Variants in MYO9A observed in about 807,000 individuals in gnomAD.
MYO9A encodes unconventional myosin-IXa.
Under a neutral mutation model 293.3 loss-of-function variants are expected in MYO9A, and 103 were observed. That is an observed-to-expected ratio of 0.35 (90% CI 0.30 to 0.41). The LOEUF (loss-of-function observed/expected upper bound fraction) is 0.41, where lower values mean the gene tolerates loss of function less well. MYO9A is among the 10% of genes least tolerant of loss of function. The pLI, the probability that MYO9A is intolerant of heterozygous loss-of-function variation, is 1.00. For missense variants in MYO9A, 2,685 were observed against 3,033.0 expected (o/e 0.89, Z 2.69); for synonymous variants, 1,001 against 1,035.7 (o/e 0.97, Z 0.64).
rs559365970 is a variant in MYO9A, at chr15:72,065,790, C to T, written c.-71-19156G>A. On this transcript the variant is annotated intron_variant, in intron 1 of 41. Transcript: ENST00000356056. Reference sequence around the variant, plus strand: ...CCCAATCTTTTTAATGAGCAAAAGACTTAAACAGATTATTATGAGGATATA... The same window carrying T: ...CCCAATCTTTTTAATGAGCAAAAGATTTAAACAGATTATTATGAGGATATA... Among the ~76,000 whole-genome samples, 4 of 152,068 alleles carry T rather than the reference C, an allele frequency of 2.6e-5. No individual in the cohort carries two copies. The East Asian group carries it at 7.7e-4, about 29-fold the overall frequency.
rs557672398 is a variant in MYO9A at position 71,906,748 on chromosome 15, C to T, written c.2686-1742G>A. ...CTTATTTTATCCAATCAGATAATAT[C>T]CATTTCTTTCTTTTTTTTTTTTTTT... On this transcript the variant is annotated intron_variant, in intron 19 of 41. Coordinates refer to ENST00000356056, the MANE Select transcript of MYO9A (RefSeq NM_006901.4). Among the ~76,000 whole-genome samples the T allele has an allele frequency of 3.9e-4, 29 of 74,350 alleles. 2 individuals carry two copies. The highest frequency in any genetic ancestry group is 3.4e-3 in the Admixed American group (25 of 7,400). The allele number at this position is 74,350 out of a possible 152,430, so 48.8% of individuals were successfully genotyped here. A position where few individuals can be genotyped will look rare whatever the true frequency, so the allele number is the denominator to read the frequency against.
At chr15:71,990,846 T>C (rs530463929) in intron 11 of MYO9A, among the ~76,000 whole-genome samples, 2 of 152,266 alleles carry the variant, frequency 1.3e-5, no homozygotes, top group South Asian at 2.1e-4. Flanking sequence ...TGATAAACAA[T>C]TGAAGCTACC....
intron 2 of MYO9A, among the ~76,000 whole-genome samples, chr15:72,042,467 T>C (rs796805973): frequency 2.4e-4 from 36 of 152,122 alleles, no homozygotes; most frequent in African/African-American, 8.4e-4. Flanking sequence ...CATCCATTCC[T>C]GAAAAAAAGC....
intron 1 of MYO9A, among the ~76,000 whole-genome samples, chr15:72,066,710 C>G (rs1304836876): frequency 6.6e-6 from 1 of 151,706 alleles, no homozygotes; most frequent in African/African-American, 2.4e-5. Context: ...GGTGGATAAC[C>G]GGTATATACA....
intron 11 of MYO9A, among the ~76,000 whole-genome samples, chr15:71,987,307 C>T (rs567938240): frequency 6.6e-6 from 1 of 152,300 alleles, no homozygotes; most frequent in African/African-American, 2.4e-5. Flanking sequence ...ATAGATTTTT[C>T]TCCTTCTTTC....
chr15:72,114,589 C>A (rs2080900183), intron 1 of MYO9A: 1 of 152,100 alleles, frequency 6.6e-6, no homozygotes, highest in South Asian at 2.1e-4. Flanking sequence ...GTTTCTGTCT[C>A]CGGCTCTCTC....
At position 72,045,641 on chromosome 15, in the gene MYO9A, G is replaced by A. The variant is rs1239871191; in HGVS notation, c.840+83C>T. 8 of 1,402,230 alleles carry A rather than the reference G, an allele frequency of 5.7e-6. No individual in the cohort carries two copies. In the Admixed American group the frequency reaches 7.2e-5, roughly 13 times the overall value. The allele number at this position is 1,402,230 out of a possible 1,614,324, so 86.9% of individuals were successfully genotyped here. On this transcript the variant is annotated intron_variant, in intron 2 of 41. Transcript: ENST00000356056. ...CTCCACACATCGACCTGGTATTGCAGTACCTCCAGGAATGGTACACCCCCC... is the reference window on the plus strand; with the variant it reads ...CTCCACACATCGACCTGGTATTGCAATACCTCCAGGAATGGTACACCCCCC...
At chr15:71,964,948 C>T (rs897390492) in intron 13 of MYO9A, among the ~76,000 whole-genome samples, 19 of 150,990 alleles carry the variant, frequency 1.3e-4, no homozygotes, top group Admixed American at 7.3e-4. Flanking sequence ...AAACAAGACT[C>T]TTGTCTCAAA....
intron 39 of MYO9A, among the ~76,000 whole-genome samples, chr15:71,833,953 C>T (rs761418624): frequency 1.3e-5 from 2 of 151,876 alleles, no homozygotes; most frequent in African/African-American, 4.8e-5. Flanking sequence ...GGATGTAAGA[C>T]TCTATTTCAG....
At chr15:71,882,252 C>A (rs530662271) in intron 28 of MYO9A, among the ~76,000 whole-genome samples, 1 of 152,280 alleles carries the variant, frequency 6.6e-6, no homozygotes, top group Admixed American at 6.5e-5. Flanking sequence ...TACCATATAT[C>A]CACCTTGGAT....
At chr15:72,038,435 T>TTA (rs2078125192) in intron 2 of MYO9A, among the ~76,000 whole-genome samples, 1 of 152,086 alleles carries the variant, frequency 6.6e-6, no homozygotes, top group Non-Finnish European at 1.5e-5. Context: ...AGAGTTCAAG[T>TTA]TATACAACAC....
chr15:71,998,550 C>CTTTTTTTTTTTTTTTTTTTTTTTTTTTT (rs765185033), intron 9 of MYO9A, among the ~76,000 whole-genome samples: 1 of 106,190 alleles, frequency 9.4e-6, no homozygotes. Context: ...ATTTGGCTTT[C>CTTTTTTTTTTTTTTTTTTTTTTTTTTTT]TTTTTTTTTT....
intron 7 of MYO9A, among the ~76,000 whole-genome samples, chr15:72,009,221 A>T (rs887561110): frequency 1.3e-5 from 2 of 152,318 alleles, no homozygotes; most frequent in East Asian, 3.9e-4. Context: ...ACTAATTTTC[A>T]TTGAACTGTA....
At chr15:71,866,104 T>C (rs1203097937) in intron 32 of MYO9A, among the ~76,000 whole-genome samples, 1 of 152,238 alleles carries the variant, frequency 6.6e-6, no homozygotes, top group Non-Finnish European at 1.5e-5. Flanking sequence ...TTCACGTTGA[T>C]GGCAGTTTTA....
At chr15:71,828,927 A>G (rs1234790708) in intron 40 of MYO9A, among the ~76,000 whole-genome samples, 1 of 152,122 alleles carries the variant, frequency 6.6e-6, no homozygotes, top group Non-Finnish European at 1.5e-5. Flanking sequence ...CTTCTAATCA[A>G]GTCTCTTCCC....
intron 1 of MYO9A, among the ~76,000 whole-genome samples, chr15:72,086,304 G>A (rs2079725005): frequency 6.6e-6 from 1 of 152,168 alleles, no homozygotes; most frequent in South Asian, 2.1e-4. Context: ...TGCTGGTAAG[G>A]GCAAATCTGT....
At chr15:71,963,377 A>G (rs11634608) in intron 13 of MYO9A, among the ~76,000 whole-genome samples, 101,221 of 151,618 alleles carry the variant, frequency 0.67, 34,463 homozygotes, top group Middle Eastern at 0.75. Flanking sequence ...GAGCCACCAC[A>G]CCTGGCTGTG....
chr15:72,006,873 A>C (rs2077032955), intron 8 of MYO9A, among the ~76,000 whole-genome samples: 1 of 152,218 alleles, frequency 6.6e-6, no homozygotes, highest in Admixed American at 6.5e-5. Context: ...ACTGTATTCT[A>C]GTTGAAAAAG....
In MYO9A at chr15:71,824,653, T is replaced by TAACA. The variant is rs1198861108; in HGVS notation, c.*1923_*1926dup. On this transcript the variant is annotated 3_prime_UTR_variant, in exon 42 of 42. Coordinates refer to ENST00000356056, the MANE Select transcript of MYO9A (RefSeq NM_006901.4). ...TCTGAAATTCAGATTTTTAAAAGCT[T>TAACA]AACATTATTTATTACTCCTCAGGAC... 6.6e-6 allele frequency: 1 copy of TAACA among 152,332 alleles called. No individual in the cohort carries two copies. The highest frequency in any genetic ancestry group is 2.1e-4 in the South Asian group (1 of 4,826). 9.4% of individuals were successfully genotyped at this position (152,332 alleles called of 1,614,324 possible).
Sources: allele counts gnomAD v4.1 joint callset (sites outside exome capture counted in the v4.1 genomes callset), GRCh38; gene constraint gnomAD v4.1.1; transcripts MANE v1.5; gene names NCBI Gene and HGNC (gene_info 2026-07-23, HGNC 2026-07-21).